Variants in NPAS2 observed in about 807,000 individuals in gnomAD.
NPAS2 encodes neuronal PAS domain protein 2, also known as neuronal PAS domain-containing protein 2.
Under a neutral mutation model 107.5 loss-of-function variants are expected in NPAS2, and 23 were observed. That is an observed-to-expected ratio of 0.21 (90% confidence interval 0.15 to 0.30). The LOEUF (loss-of-function observed/expected upper bound fraction) is 0.30, where lower values mean the gene tolerates loss of function less well. NPAS2 is among the 10% of genes least tolerant of loss of function. NPAS2 has a pLI of 1.00. For missense variants in NPAS2, 756 were observed against 1,043.3 expected, an observed-to-expected ratio of 0.72 and a Z score of 3.79; for synonymous variants, 403 against 417.5, an observed-to-expected ratio of 0.97 and a Z score of 0.42.
intron 1 of NPAS2, among the ~76,000 whole-genome samples, chr2:100,882,309 T>A (rs1488337191): frequency 6.6e-6 from 1 of 152,040 alleles, no homozygotes; most frequent in Non-Finnish European, 1.5e-5. Context: ...TTTCCTTGAC[T>A]TAAAACAAAA....
At chr2:100,939,813 A>C (rs1423574138) in intron 5 of NPAS2, among the ~76,000 whole-genome samples, 1 of 152,182 alleles carries the variant, frequency 6.6e-6, no homozygotes, top group Non-Finnish European at 1.5e-5. Context: ...AGTAAGAGGG[A>C]AATTCTTCTG....
intron 1 of NPAS2, among the ~76,000 whole-genome samples, chr2:100,842,889 A>G (rs1677530324): frequency 6.6e-6 from 1 of 152,196 alleles, no homozygotes; most frequent in South Asian, 2.1e-4. Flanking sequence ...ATCATAATGA[A>G]GTGATTCTGT....
intron 1 of NPAS2, among the ~76,000 whole-genome samples, chr2:100,843,301 T>A (rs1677564799): frequency 6.6e-6 from 1 of 152,092 alleles, no homozygotes; most frequent in Non-Finnish European, 1.5e-5. Context: ...CATTTTCTGA[T>A]CAAAGTCCAA....
At chr2:100,947,379 G>A (rs934615088) in intron 5 of NPAS2, among the ~76,000 whole-genome samples, 9 of 151,970 alleles carry the variant, frequency 5.9e-5, no homozygotes, top group Admixed American at 1.3e-4. Flanking sequence ...GGTGAAACCC[G>A]TCTCTACTAA....
chr2:100,954,105 TG>T (rs1367543178), intron 7 of NPAS2, among the ~76,000 whole-genome samples: 1 of 152,030 alleles, frequency 6.6e-6, no homozygotes, highest in Non-Finnish European at 1.5e-5. Context: ...GAGAGTAGTA[TG>T]AATAAGTGTA....
intron 3 of NPAS2, 22 bp downstream of exon 3, chr2:100,925,316 G>T (rs762810172): frequency 6.2e-7 from 1 of 1,604,302 alleles, no homozygotes; most frequent in Non-Finnish European, 8.5e-7. Context: ...CCTTCTCTCT[G>T]TTTTTTTTCC....
intron 1 of NPAS2, among the ~76,000 whole-genome samples, chr2:100,844,994 T>C (rs1677682378): frequency 6.6e-6 from 1 of 152,128 alleles, no homozygotes; most frequent in Admixed American, 6.5e-5. Flanking sequence ...CACTTGTGTT[T>C]GGCAGAGACT....
intron 1 of NPAS2, among the ~76,000 whole-genome samples, chr2:100,845,362 C>T (rs1429387725): frequency 6.6e-6 from 1 of 152,134 alleles, no homozygotes; most frequent in Non-Finnish European, 1.5e-5. Context: ...GGGCTGGCTT[C>T]CTGTACAGGT....
chr2:100,929,353 G>T (rs1197645165), intron 3 of NPAS2, among the ~76,000 whole-genome samples: 1 of 152,206 alleles, frequency 6.6e-6, no homozygotes, highest in Non-Finnish European at 1.5e-5. Flanking sequence ...CTCAATGGCT[G>T]CTCCACAAGG....
At chr2:100,840,164 A>G (rs1001270705) in intron 1 of NPAS2, among the ~76,000 whole-genome samples, 3 of 152,114 alleles carry the variant, frequency 2.0e-5, no homozygotes, top group Non-Finnish European at 2.9e-5. Flanking sequence ...ACCCTTTCGG[A>G]CAGCTCTGGC....
intron 1 of NPAS2, chr2:100,878,003 G>T (rs887975254): frequency 1.0e-6 from 1 of 985,400 alleles, no homozygotes; most frequent in Non-Finnish European, 1.2e-6. Flanking sequence ...TATCAGTTAC[G>T]TGTGGTATAG....
At chr2:100,855,891 G>A (rs568108750) in intron 1 of NPAS2, among the ~76,000 whole-genome samples, 2 of 152,224 alleles carry the variant, frequency 1.3e-5, no homozygotes, top group East Asian at 1.9e-4. Flanking sequence ...TAGTACAGAG[G>A]GTCTCAGCCC....
chr2:100,990,641 C>A, intron 18 of NPAS2, 139 bp from the exon 19 acceptor site: 1 of 996,500 alleles, frequency 1.0e-6, no homozygotes, highest in Non-Finnish European at 1.5e-6. Flanking sequence ...CGTCCATCAT[C>A]CTCAGAGAAT....
intron 2 of NPAS2, among the ~76,000 whole-genome samples, chr2:100,906,596 A>C (rs149853178): frequency 9.9e-5 from 15 of 152,176 alleles, no homozygotes; most frequent in Non-Finnish European, 1.9e-4. Context: ...TTACAGGGCA[A>C]TCTTTTTTGT....
intron 5 of NPAS2, among the ~76,000 whole-genome samples, chr2:100,944,299 C>T (rs1408620861): frequency 1.3e-5 from 2 of 152,192 alleles, no homozygotes; most frequent in African/African-American, 4.8e-5. Flanking sequence ...CAGGGACACT[C>T]TGGGAGGAAG....
At position 100,955,433 on chromosome 2, in the gene NPAS2, G is replaced by A. The variant is rs140246963; in HGVS notation, c.598+5953G>A. ...AAAGTGAGGCTTGATCTTGGCCCCG[G>A]GACACAGCTGGTGGAGGGCAGAGCA... On this transcript the variant is annotated intron_variant, in intron 7 of 20. Coordinates refer to ENST00000335681, the MANE Select transcript of NPAS2 (RefSeq NM_002518.4). Among the ~76,000 whole-genome samples the A allele has an allele frequency of 1.5e-3, 222 of 152,196 alleles. 2 individuals are homozygous for A. Among genetic ancestry groups the A allele is most frequent in the African/African-American group, 5.2e-3 (215 of 41,524 alleles).
chr2:100,881,377 C>T (rs1412870529), intron 1 of NPAS2, among the ~76,000 whole-genome samples: 1 of 152,204 alleles, frequency 6.6e-6, no homozygotes, highest in Admixed American at 6.5e-5. Context: ...ACCTGTGTGC[C>T]CATCTGAGTT....
chr2:100,915,579 A>G (rs913717758), intron 2 of NPAS2, among the ~76,000 whole-genome samples: 45 of 152,216 alleles, frequency 3.0e-4, no homozygotes, highest in African/African-American at 1.0e-3. Flanking sequence ...CATGTGGAAC[A>G]TATTTTAGTA....
intron 1 of NPAS2, among the ~76,000 whole-genome samples, chr2:100,839,054 C>G (rs1677238079): frequency 6.6e-6 from 1 of 152,068 alleles, no homozygotes; most frequent in Admixed American, 6.6e-5. Flanking sequence ...CAAGACAAAC[C>G]CCTCCTTTTC....
Sources: gnomAD v4.1 joint callset for allele counts (sites outside exome capture counted in the v4.1 genomes callset) on GRCh38, gnomAD v4.1.1 for gene constraint, MANE v1.5 for transcripts, NCBI Gene and HGNC (gene_info 2026-07-23, HGNC 2026-07-21) for gene names.